NEBL: variants seen among roughly 807,000 people sequenced by gnomAD.
NEBL encodes the protein nebulette, also known as LIM and SH3 protein 2.
A neutral mutation model predicts 140.2 loss-of-function variants in NEBL; 122 were observed. The observed-to-expected ratio is 0.87, with a 90% CI of 0.75 to 1.01. The LOEUF is 1.01. Among genes scored for constraint, NEBL ranks in the 50% least tolerant of loss-of-function variants. NEBL has a pLI of 0.00. For missense variants in NEBL, 1,365 were observed against 1,231.3 expected, an observed-to-expected ratio of 1.11 and a Z score of -1.62; for synonymous variants, 436 against 398.9, an observed-to-expected ratio of 1.09 and a Z score of -1.11.
intron 4 of NEBL, among the ~76,000 whole-genome samples, chr10:20,953,370 G>A (rs774585545): frequency 5.9e-5 from 9 of 152,152 alleles, no homozygotes; most frequent in Non-Finnish European, 1.3e-4. Context: ...GCCAGGAAGA[G>A]AGCCCTCACC....
intron 3 of NEBL, among the ~76,000 whole-genome samples, chr10:21,011,213 G>A (rs915459597): frequency 6.6e-6 from 1 of 152,172 alleles, no homozygotes; most frequent in African/African-American, 2.4e-5. Context: ...CAGGGACAGG[G>A]GGAGAGCCCA....
intron 3 of NEBL, among the ~76,000 whole-genome samples, chr10:20,998,831 C>A (rs1309008866): frequency 1.3e-5 from 2 of 152,182 alleles, no homozygotes; most frequent in African/African-American, 4.8e-5. Flanking sequence ...AATTCGATCA[C>A]TTTGTTTGTC....
At chr10:20,867,924 T>C in intron 7 of NEBL, 1 of 152,086 alleles carries the variant, frequency 6.6e-6, no homozygotes, top group Non-Finnish European at 1.5e-5. Context: ...TTAATTTCAG[T>C]GGTTTTCTAT....
At position 21,223,976 on chromosome 10, in the gene NEBL, G is replaced by A. The variant is rs73609240; in HGVS notation, n.348+23945C>T. 7.7e-3 allele frequency among the ~76,000 whole-genome samples: 1,170 copies of A among 152,220 alleles called. 11 individuals are homozygous for A. Among genetic ancestry groups the A allele is most frequent in the African/African-American group, 0.025 (1,056 of 41,538 alleles). ...GTTTGCAAATATTTTCTCCCATTTT[G>A]CAGATTGTCTCTTCACTTCGATAAT... is the stretch of plus-strand genomic sequence containing the variant. On this transcript the variant is annotated intron_variant and non_coding_transcript_variant, in intron 3 of 8. Coordinates refer to the NEBL transcript ENST00000675702.
chr10:21,203,308 T>A (rs1004017732), intron 3 of NEBL, among the ~76,000 whole-genome samples: 1 of 152,168 alleles, frequency 6.6e-6, no homozygotes, highest in African/African-American at 2.4e-5. Context: ...AGCTCCCATA[T>A]CAAAATTTCA....
chr10:21,051,131 GA>G (rs1197903363), intron 2 of NEBL, among the ~76,000 whole-genome samples: 1 of 151,992 alleles, frequency 6.6e-6, no homozygotes, highest in Admixed American at 6.6e-5. Flanking sequence ...CTAGAGATAG[GA>G]AAAAAACACA....
At position 21,137,938 on chromosome 10, in the gene NEBL, A is replaced by AAAGGG. The variant is rs199866448; in HGVS notation, c.164+34440_164+34444dup. ...CAAGACCCTGAAAAAAAAAAAAAGG[A>AAAGGG]AAGGGAAGGGAAGGGAAGGGAAGGG... On this transcript the variant is annotated intron_variant, in intron 2 of 6. Coordinates refer to the NEBL transcript ENST00000417816. 7.6e-4 allele frequency among the ~76,000 whole-genome samples: 113 copies of AAAGGG among 149,028 alleles called. No individual in the cohort carries two copies. The Middle Eastern group carries it at 0.014, about 19-fold the overall frequency.
chr10:21,027,668 T>C (rs1833571702), intron 2 of NEBL, among the ~76,000 whole-genome samples: 1 of 152,086 alleles, frequency 6.6e-6, no homozygotes, highest in East Asian at 1.9e-4. Flanking sequence ...AAGTTGTGAC[T>C]TCACATCATG....
At chr10:21,213,931 T>C (rs1199900727) in intron 3 of NEBL, among the ~76,000 whole-genome samples, 2 of 152,236 alleles carry the variant, frequency 1.3e-5, no homozygotes, top group Middle Eastern at 3.4e-3. Flanking sequence ...TTAAAAGCAA[T>C]AAACTGTGTC....
intron 2 of NEBL, among the ~76,000 whole-genome samples, chr10:21,145,940 A>G (rs1477600998): frequency 6.6e-6 from 1 of 152,126 alleles, no homozygotes; most frequent in Admixed American, 6.5e-5. Flanking sequence ...TTGGGCATCT[A>G]ACAACAGGTC....
chr10:21,045,489 G>A (rs1834468250), intron 2 of NEBL, among the ~76,000 whole-genome samples: 1 of 152,068 alleles, frequency 6.6e-6, no homozygotes, highest in African/African-American at 2.4e-5. Context: ...ATCTACTCTG[G>A]TCAAGAAATA....
At chr10:20,960,864 T>C (rs895377202) in intron 4 of NEBL, among the ~76,000 whole-genome samples, 2 of 152,150 alleles carry the variant, frequency 1.3e-5, no homozygotes, top group Non-Finnish European at 2.9e-5. Flanking sequence ...ACTTTATAAG[T>C]GACGCACAAA....
intron 7 of NEBL, among the ~76,000 whole-genome samples, chr10:20,865,968 C>T (rs568650351): frequency 2.0e-5 from 3 of 152,276 alleles, no homozygotes; most frequent in African/African-American, 7.2e-5. Context: ...GGGAGGTTCA[C>T]CATTTGTGAG....
At chr10:21,155,760 T>C (rs570870191) in intron 2 of NEBL, among the ~76,000 whole-genome samples, 1 of 152,222 alleles carries the variant, frequency 6.6e-6, no homozygotes, top group Non-Finnish European at 1.5e-5. Flanking sequence ...GAAAACTGAC[T>C]GGGCAAGGGA....
intron 4 of NEBL, among the ~76,000 whole-genome samples, chr10:20,960,584 C>T (rs1441807269): frequency 2.0e-5 from 3 of 151,982 alleles, no homozygotes; most frequent in Admixed American, 2.0e-4. Context: ...GAACTTTAGA[C>T]ATATAAAAAG....
intron 1 of NEBL, among the ~76,000 whole-genome samples, chr10:21,253,186 G>A (rs752029065): frequency 5.3e-5 from 8 of 152,150 alleles, no homozygotes; most frequent in African/African-American, 9.7e-5. Context: ...TGAGAGAATC[G>A]CTTGAACGAG....
At chr10:21,290,341 A>G (rs369327665) in intron 1 of NEBL, among the ~76,000 whole-genome samples, 2 of 152,184 alleles carry the variant, frequency 1.3e-5, no homozygotes, top group Non-Finnish European at 2.9e-5. Context: ...GGAAATTGGA[A>G]AACCTTAGAA....
At chr10:20,977,542 G>T (rs1836854706) in intron 3 of NEBL, among the ~76,000 whole-genome samples, 2 of 152,102 alleles carry the variant, frequency 1.3e-5, no homozygotes, top group Non-Finnish European at 2.9e-5. Context: ...ACAGATAGGC[G>T]AGCTGGCCTG....
intron 22 of NEBL, 95 bp downstream of exon 22, chr10:20,815,529 GA>G: frequency 9.7e-7 from 1 of 1,030,236 alleles, no homozygotes; most frequent in Non-Finnish European, 1.5e-6. Flanking sequence ...AATGTTTCTT[GA>G]AAATAAGTTT....
Sources: allele counts gnomAD v4.1 joint callset (sites outside exome capture counted in the v4.1 genomes callset), GRCh38; gene constraint gnomAD v4.1.1; transcripts MANE v1.5; gene names NCBI Gene and HGNC (gene_info 2026-07-23, HGNC 2026-07-21).